The following DNAH6 variants were observed in gnomAD, a reference collection of about 807,000 sequenced individuals.
DNAH6 encodes axonemal beta dynein heavy chain 6.
DNAH6 carries 340 observed loss-of-function variants against 491.4 expected under a neutral mutation model. The observed-to-expected ratio is 0.69, with a 90% confidence interval of 0.63 to 0.76. The LOEUF is 0.76. Among genes scored for constraint, DNAH6 ranks in the 30% least tolerant of loss-of-function variants. DNAH6 has a pLI of 0.00. For missense variants in DNAH6, 4,443 were observed against 4,972.2 expected (o/e 0.89, Z 3.20); for synonymous variants, 1,603 against 1,686.1 (o/e 0.95, Z 1.21).
At position 84,597,697 on chromosome 2, in the gene DNAH6, A is replaced by T. The variant is rs1684738766; in HGVS notation, c.2868+1908A>T. Reference sequence around the variant, plus strand: ...AGCATTGTTCATAATAGCCAAAAGTAGGGGAAAAAACAAATTTCCATCAAT... The same window carrying T: ...AGCATTGTTCATAATAGCCAAAAGTTGGGGAAAAAACAAATTTCCATCAAT... On this transcript the variant is annotated intron_variant, in intron 18 of 76. Transcript: ENST00000389394. Among the ~76,000 whole-genome samples, 2 of 152,252 alleles carry T rather than the reference A, an allele frequency of 1.3e-5. 1 individual carries two copies. Among genetic ancestry groups the T allele is most frequent in the South Asian group, 4.1e-4 (2 of 4,824 alleles).
chr2:84,570,935 G>A (rs1681772875), intron 11 of DNAH6, among the ~76,000 whole-genome samples: 1 of 152,102 alleles, frequency 6.6e-6, no homozygotes, highest in Non-Finnish European at 1.5e-5. Context: ...AACCCGCTGG[G>A]AGGAACAAAC....
chr2:84,633,875 A>G (rs1046757353), intron 29 of DNAH6, among the ~76,000 whole-genome samples: 1 of 152,128 alleles, frequency 6.6e-6, no homozygotes, highest in Non-Finnish European at 1.5e-5. Flanking sequence ...TCAGTTGACC[A>G]CCTTGAAATT....
the DNAH6 span, among the ~76,000 whole-genome samples, chr2:84,508,787 AAAC>A: frequency 2.0e-5 from 3 of 152,196 alleles, no homozygotes; most frequent in African/African-American, 7.2e-5. Context: ...CGTTGGTTTC[AAAC>A]AACATCTTTA....
At chr2:84,713,815 A>G (rs1697274087) in intron 57 of DNAH6, among the ~76,000 whole-genome samples, 3 of 152,190 alleles carry the variant, frequency 2.0e-5, no homozygotes, top group Non-Finnish European at 4.4e-5. Context: ...CTAGAGAATC[A>G]TGATCTAGAG....
At chr2:84,552,646 A>T (rs1030069892) in intron 9 of DNAH6, among the ~76,000 whole-genome samples, 4 of 152,142 alleles carry the variant, frequency 2.6e-5, no homozygotes, top group African/African-American at 9.7e-5. Flanking sequence ...TATCTTCTAT[A>T]TACATTATTG....
chr2:84,688,409 C>A, intron 44 of DNAH6, 30 bp from the exon 45 acceptor site: 3 of 1,461,812 alleles, frequency 2.1e-6, no homozygotes, highest in South Asian at 1.5e-5. Flanking sequence ...CAGAATTGAT[C>A]CAACTTGGTT....
chr2:84,560,378 TG>T (rs1408654329), intron 11 of DNAH6, among the ~76,000 whole-genome samples: 1 of 151,582 alleles, frequency 6.6e-6, no homozygotes, highest in East Asian at 1.9e-4. Flanking sequence ...AAAGAAAATG[TG>T]AATCAAGAAT....
At position 84,653,698 on chromosome 2, in the gene DNAH6, A is replaced by C; in HGVS notation, c.5458A>C (p.Ser1820Arg). 6.4e-7 allele frequency: 1 copy of C among 1,551,326 alleles called. No individual in the cohort carries two copies. ...LEWKDGLMAL[S>R]VRAAVNDTSE... ...ATGGAAAGATGGTTTGATGGCACTA[A>C]GTGTCCGAGCAGCTGTGAATGATAC... is the stretch of plus-strand genomic sequence containing the variant. Residue 1820 changes from serine (S) to arginine (R), a missense_variant, in exon 34 of 77, where the codon AGT (serine) becomes CGT (arginine). By Grantham distance (110) the Ser-to-Arg change is moderately radical. Coordinates refer to ENST00000389394, the MANE Select transcript of DNAH6 (RefSeq NM_001370.2).
intron 15 of DNAH6, among the ~76,000 whole-genome samples, chr2:84,585,683 A>G (rs1448846243): frequency 1.3e-5 from 2 of 151,950 alleles, no homozygotes; most frequent in Non-Finnish European, 2.9e-5. Context: ...GAGACCCTGA[A>G]GTGGGTTGCT....
chr2:84,619,678 A>C lies in DNAH6; in HGVS notation c.3573-7A>C. 1.9e-6 allele frequency: 3 copies of C among 1,549,584 alleles called. No homozygotes were observed. Among genetic ancestry groups the C allele is most frequent in the Non-Finnish European group, 2.6e-6 (3 of 1,145,170 alleles). On this transcript the variant is annotated splice_region_variant and splice_polypyrimidine_tract_variant and intron_variant, in intron 23 of 76. Transcript: ENST00000389394. ...AAGTTATATTTTAAGGATGTTCTTT[A>C]ATCCAGGTTTTACTTCTTGTCAAAT...
At position 84,584,223 on chromosome 2, in the gene DNAH6, A is replaced by C. The variant is rs774370108; in HGVS notation, c.2454A>C (p.Glu818Asp). ...LGSDLEELNN[E>D]VNEVKLQAQD... ...GTGATCTTGAAGAATTAAACAACGA[A>C]GTGAATGAAGTAAAACTGCAAGCAC... The change falls in exon 15 of 77, where the codon GAA becomes GAC. Residue 818 changes from glutamate (E) to aspartate (D), a missense_variant. Physicochemically the swap from Glu to Asp is conservative, Grantham distance 45. Coordinates refer to ENST00000389394, the MANE Select transcript of DNAH6 (RefSeq NM_001370.2). 2 of 1,614,152 alleles carry C rather than the reference A, an allele frequency of 1.2e-6. No homozygotes were observed. The highest frequency in any genetic ancestry group is 2.7e-5 in the African/African-American group (2 of 75,054).
rs184298906 is a variant in DNAH6, at chr2:84,729,156, G to A, written c.10206+1254G>A. Among the ~76,000 whole-genome samples the A allele has an allele frequency of 2.0e-4, 30 of 152,104 alleles. No homozygotes were observed. In the East Asian group the frequency reaches 3.7e-3, roughly 19 times the overall value. ...TCCTCTCTTAATGTGTTTTATCCTC[G>A]TAATCACAGTTCATATTTACAGAGA... On this transcript the variant is annotated intron_variant, in intron 61 of 76. Transcript: ENST00000389394.
At chr2:84,525,335 A>T (rs1030522501) in intron 2 of DNAH6, among the ~76,000 whole-genome samples, 2 of 152,068 alleles carry the variant, frequency 1.3e-5, no homozygotes, top group Non-Finnish European at 2.9e-5. Flanking sequence ...CTAAGTATTC[A>T]TTGATAATTT....
intron 42 of DNAH6, among the ~76,000 whole-genome samples, chr2:84,684,193 A>G (rs951577986): frequency 3.3e-5 from 5 of 152,230 alleles, no homozygotes; most frequent in Admixed American, 1.3e-4. Flanking sequence ...CCTGTGATTC[A>G]TGAACTCAAT....
intron 64 of DNAH6, among the ~76,000 whole-genome samples, chr2:84,767,785 C>T (rs1050336551): frequency 6.6e-6 from 1 of 151,866 alleles, no homozygotes; most frequent in Non-Finnish European, 1.5e-5. Flanking sequence ...CAAAAGACAT[C>T]AATCCACAGA....
intron 63 of DNAH6, among the ~76,000 whole-genome samples, chr2:84,757,120 G>A (rs1209262783): frequency 6.6e-6 from 1 of 152,138 alleles, no homozygotes; most frequent in Non-Finnish European, 1.5e-5. Flanking sequence ...CATTTCCACA[G>A]CAAATTCTTG....
At position 84,653,890 on chromosome 2, in the gene DNAH6, A is replaced by G. The variant is rs1045916012; in HGVS notation, c.5634+16A>G. 1.3e-6 allele frequency: 2 copies of G among 1,515,364 alleles called. No homozygotes were observed. Among genetic ancestry groups the G allele is most frequent in the African/African-American group, 2.8e-5 (2 of 71,826 alleles). The allele number at this position is 1,515,364 out of a possible 1,614,324, so 93.9% of individuals were successfully genotyped here. A position where few individuals can be genotyped will look rare whatever the true frequency, so the allele number is the denominator to read the frequency against. ...GCTTTTTGAGGTAAGTGTACACATTACTGTGGAGTGAAATCATTCATTAAA... is the reference window on the plus strand; with the variant it reads ...GCTTTTTGAGGTAAGTGTACACATTGCTGTGGAGTGAAATCATTCATTAAA... On this transcript the variant is annotated intron_variant, in intron 34 of 76. Transcript: ENST00000389394.
intron 11 of DNAH6, among the ~76,000 whole-genome samples, chr2:84,568,969 T>C (rs1370864640): frequency 6.6e-6 from 1 of 152,124 alleles, no homozygotes; most frequent in Non-Finnish European, 1.5e-5. Flanking sequence ...AAAAGAACAT[T>C]TTGCAAAACA....
At chr2:84,753,488 TTTC>T (rs1348449034) in intron 63 of DNAH6, among the ~76,000 whole-genome samples, 2 of 152,130 alleles carry the variant, frequency 1.3e-5, no homozygotes, top group Non-Finnish European at 2.9e-5. Context: ...ACACCTATGT[TTTC>T]TTCTGAGAAT....
Sources: gnomAD v4.1 joint callset for allele counts (sites outside exome capture counted in the v4.1 genomes callset) on GRCh38, gnomAD v4.1.1 for gene constraint, MANE v1.5 for transcripts, NCBI Gene and HGNC (gene_info 2026-07-23, HGNC 2026-07-21) for gene names.